The following EMC4 variants were observed in gnomAD, a reference collection of about 807,000 sequenced individuals.
The protein encoded by EMC4 is ER membrane protein complex subunit 4, also known as cell proliferation-inducing gene 17 protein.
In EMC4, 9 loss-of-function variants were observed where a neutral mutation model predicts 24.2. The ratio of observed to expected loss-of-function variants is 0.37; its 90% CI spans 0.22 to 0.65. EMC4 has a LOEUF of 0.65. EMC4 is among the 30% of genes least tolerant of loss of function. The pLI is 0.59. For synonymous variants in EMC4, 86 were observed against 81.1 expected (o/e 1.06, Z -0.32); for missense variants, 169 against 234.6 (o/e 0.72, Z 1.83).
In EMC4 at chr15:34,229,775, G is replaced by T. The variant is rs1423919673; in HGVS notation, c.539G>T (p.Gly180Val). 6.2e-7 allele frequency: 1 copy of T among 1,605,272 alleles called. No homozygotes were observed. The highest frequency in any genetic ancestry group is 1.7e-5 in the Admixed American group (1 of 58,508). Residue 180 changes from glycine (G) to valine (V), a missense_variant, in exon 5 of 5, where the codon GGA (glycine) becomes GTA (valine). Coordinates refer to ENST00000267750, the MANE Select transcript of EMC4 (RefSeq NM_016454.4). ...PPERMEFSGG[G>V]LLL Reference sequence around the variant, plus strand: ...CAGAGAATGGAGTTCAGTGGTGGAGGACTGCTTTTGTGAACATGAGAAAGC... The same window carrying T: ...CAGAGAATGGAGTTCAGTGGTGGAGTACTGCTTTTGTGAACATGAGAAAGC...
Position 34,225,555 on chromosome 15 carries a change from A to G in EMC4, c.106A>G (p.Ser36Gly), listed in dbSNP as rs145064675. The G allele has an allele frequency of 3.4e-4, 547 of 1,614,116 alleles. No homozygotes were observed. The highest frequency in any genetic ancestry group is 4.4e-4 in the Non-Finnish European group (521 of 1,179,956). The change falls in exon 2 of 5, where the codon AGT (serine) becomes GGT (glycine). Residue 36 changes from serine (S) to glycine (G), a missense_variant. Coordinates refer to ENST00000267750, the MANE Select transcript of EMC4 (RefSeq NM_016454.4). ...GGSRGRSDRG[S>G]GQGDSLYPVG... The stretch of plus-strand genomic sequence containing the variant: ...TTTTAGGGGTCGAAGTGACCGGGGC[A>G]GTGGCCAGGGAGACTCGCTCTACCC...
In EMC4 at chr15:34,229,897, G is replaced by T; in HGVS notation, c.*109G>T. Reference sequence around the variant, plus strand: ...TTAAACTAATCACTTATGTTAAAAAGAACCAAAAGACTCTTTTCTCCATGG... The same window carrying T: ...TTAAACTAATCACTTATGTTAAAAATAACCAAAAGACTCTTTTCTCCATGG... On this transcript the variant is annotated 3_prime_UTR_variant, in exon 5 of 5. Transcript: ENST00000267750. 1 of 1,040,644 alleles carries T rather than the reference G, an allele frequency of 9.6e-7. No homozygotes were observed. Among genetic ancestry groups the T allele is most frequent in the South Asian group, 1.3e-5 (1 of 76,944 alleles). The allele number at this position is 1,040,644 out of a possible 1,614,324, so 64.5% of individuals were successfully genotyped here.
At chr15:34,228,279 G>C in intron 3 of EMC4, 150 bp from the exon 4 acceptor site, 1 of 723,020 alleles carries the variant, frequency 1.4e-6, no homozygotes, top group South Asian at 1.8e-5. Flanking sequence ...GGAGGGGAGT[G>C]TAGTGCTTAC....
chr15:34,228,674 G>A (rs1890726141), intron 4 of EMC4, 85 bp downstream of exon 4: 2 of 858,176 alleles, frequency 2.3e-6, no homozygotes, highest in Non-Finnish European at 1.7e-6. Flanking sequence ...ATTGGAGTTG[G>A]TATTTGAGTT....
intron 1 of EMC4, 78 bp from the exon 2 acceptor site, chr15:34,225,458 C>T: frequency 8.8e-7 from 1 of 1,134,204 alleles, no homozygotes; most frequent in Non-Finnish European, 1.3e-6. Flanking sequence ...ATCTTTATTC[C>T]TATGATTGGT....
Position 34,229,815 on chromosome 15 carries a change from A to G in EMC4, c.*27A>G, listed in dbSNP as rs749730132. 19 of 1,611,076 alleles carry G rather than the reference A, an allele frequency of 1.2e-5. No homozygotes were observed. The highest frequency in any genetic ancestry group is 2.7e-5 in the African/African-American group (2 of 74,868). ...CATGAGAAAGCAGCGCCTGGTCCCT[A>G]TGTATTTGGGTCTTATTTACATCCT... On this transcript the variant is annotated 3_prime_UTR_variant, in exon 5 of 5. Transcript: ENST00000267750.
intron 3 of EMC4, 23 bp downstream of exon 3, chr15:34,227,869 C>T: frequency 6.2e-7 from 1 of 1,608,602 alleles, no homozygotes; most frequent in South Asian, 1.1e-5. Context: ...GAAACAATAA[C>T]CCTTCCATAA....
intron 2 of EMC4, chr15:34,226,211 A>G (rs1210286071): frequency 1.2e-5 from 2 of 165,292 alleles, no homozygotes; most frequent in Non-Finnish European, 2.7e-5. Context: ...TTATATTTCT[A>G]ATTTCTCCTG....
rs1295111137 is a variant in EMC4, at chr15:34,229,734, T to C, written c.517-19T>C. The C allele has an allele frequency of 2.1e-6, 3 of 1,429,446 alleles. No homozygotes were observed. Among genetic ancestry groups the C allele is most frequent in the South Asian group, 2.4e-5 (2 of 83,302 alleles). The allele number at this position is 1,429,446 out of a possible 1,614,324, so 88.5% of individuals were successfully genotyped here. On this transcript the variant is annotated intron_variant, in intron 4 of 4. Coordinates refer to ENST00000267750, the MANE Select transcript of EMC4 (RefSeq NM_016454.4). ...ACTCATTTGCCACTCACCTATTTAT[T>C]CTTTCTTTCTTCTTTCAGAGAATGG... is the stretch of plus-strand genomic sequence containing the variant.
chr15:34,229,619 G>A (rs1253813956), intron 4 of EMC4, 134 bp from the exon 5 acceptor site: 17 of 646,822 alleles, frequency 2.6e-5, no homozygotes, highest in Non-Finnish European at 3.0e-5. Flanking sequence ...ATTAGCTACT[G>A]CGCCTGGCCT....
At chr15:34,229,631 G>GAAGT (rs1381363997) in intron 4 of EMC4, 122 bp from the exon 5 acceptor site, 1 of 672,518 alleles carries the variant, frequency 1.5e-6, no homozygotes, top group Non-Finnish European at 2.6e-6. Flanking sequence ...GCCTGGCCTG[G>GAAGT]AAGTTCTTTT....
chr15:34,225,957 A>C, intron 2 of EMC4: 4 of 391,638 alleles, frequency 1.0e-5, no homozygotes, highest in South Asian at 5.9e-5. Context: ...TCCAACTGTC[A>C]GGATACTCTG....
At chr15:34,225,399 G>A (rs1890622903) in intron 1 of EMC4, 137 bp from the exon 2 acceptor site, 2 of 825,202 alleles carry the variant, frequency 2.4e-6, no homozygotes, top group Middle Eastern at 2.4e-4. Context: ...TCAAAGGACT[G>A]AGGAACATAC....
intron 4 of EMC4, 77 bp downstream of exon 4, chr15:34,228,666 T>C: frequency 9.1e-7 from 1 of 1,102,004 alleles, no homozygotes; most frequent in Non-Finnish European, 1.3e-6. Flanking sequence ...GGTAGGAAAT[T>C]GGAGTTGGTA....
chr15:34,225,746 T>C (rs768551504), intron 2 of EMC4, 96 bp downstream of exon 2: 10 of 974,904 alleles, frequency 1.0e-5, no homozygotes, highest in African/African-American at 6.4e-5. Context: ...ATAGCTCTTA[T>C]CCTGAAGATT....
At position 34,229,248 on chromosome 15, in the gene EMC4, A is replaced by G. The variant is rs1044165591; in HGVS notation, c.517-505A>G. On this transcript the variant is annotated intron_variant, in intron 4 of 4. Coordinates refer to ENST00000267750, the MANE Select transcript of EMC4 (RefSeq NM_016454.4). ...TTTTTAGTAGAGACAGGGTTTCACC[A>G]TGTTGGCCAGGCTGGTCTTCAGCTC... is the stretch of plus-strand genomic sequence containing the variant. 7.2e-5 allele frequency: 11 copies of G among 152,736 alleles called. 1 individual carries two copies. The highest frequency in any genetic ancestry group is 6.6e-4 in the Admixed American group (10 of 15,250). 9.5% of individuals were successfully genotyped at this position (152,736 alleles called of 1,614,324 possible).
At position 34,225,028 on chromosome 15, in the gene EMC4, T is replaced by C. The variant is rs917240656; in HGVS notation, c.-87T>C. On this transcript the variant is annotated 5_prime_UTR_variant, in exon 1 of 5. Transcript: ENST00000267750. ...ACGCGCCGGAAGTGCATTTGCAGAGTGAGACAAAGCGGAGAACGCTGGTGG... is the reference window on the plus strand; with the variant it reads ...ACGCGCCGGAAGTGCATTTGCAGAGCGAGACAAAGCGGAGAACGCTGGTGG... 3.6e-6 allele frequency: 4 copies of C among 1,126,380 alleles called. No individual in the cohort carries two copies. The African/African-American group carries it at 6.2e-5, about 17-fold the overall frequency. 69.8% of individuals were successfully genotyped at this position (1,126,380 alleles called of 1,614,324 possible).
chr15:34,227,915 T>G, intron 3 of EMC4, 69 bp downstream of exon 3: 2 of 1,535,092 alleles, frequency 1.3e-6, no homozygotes, highest in Non-Finnish European at 8.9e-7. Context: ...GCATGGTGGC[T>G]CACGCCTGTA....
chr15:34,225,527 GT>G lies in EMC4; in HGVS notation c.87-3del. 6 of 1,611,402 alleles carry G rather than the reference GT, an allele frequency of 3.7e-6. No homozygotes were observed. The highest frequency in any genetic ancestry group is 5.1e-6 in the Non-Finnish European group (6 of 1,177,572). Reference sequence around the variant, plus strand: ...GTTGCAGCTTTAGTTTCTTGGTTTGGTTTTTTAGGGGTCGAAGTGACCGGGG... The same window carrying G: ...GTTGCAGCTTTAGTTTCTTGGTTTGGTTTTTAGGGGTCGAAGTGACCGGGG... On this transcript the variant is annotated splice_region_variant and splice_polypyrimidine_tract_variant and intron_variant, in intron 1 of 4. Coordinates refer to ENST00000267750, the MANE Select transcript of EMC4 (RefSeq NM_016454.4).
Sources: allele counts gnomAD v4.1 joint callset, GRCh38; gene constraint gnomAD v4.1.1; transcripts MANE v1.5; gene names NCBI Gene and HGNC (gene_info 2026-07-23, HGNC 2026-07-21).